Variants in MSRA observed in about 807,000 individuals in gnomAD.
MSRA encodes mitochondrial peptide methionine sulfoxide reductase.
Under a neutral mutation model 31.3 loss-of-function variants are expected in MSRA, and 54 were observed. That is an observed-to-expected ratio of 1.73 (90% CI 1.39 to 2.17). The LOEUF (loss-of-function observed/expected upper bound fraction) is 2.17. Among genes scored for constraint, MSRA ranks in the 30% most tolerant of loss-of-function variants. The pLI, the probability that MSRA is intolerant of heterozygous loss-of-function variation, is 0.00. For missense variants in MSRA, 507 were observed against 300.9 expected (o/e 1.69, Z -5.07); for synonymous variants, 169 against 116.5 (o/e 1.45, Z -2.90).
chr8:10,124,210 TGATA>T (rs1438277834), intron 1 of MSRA, among the ~76,000 whole-genome samples: 2 of 152,106 alleles, frequency 1.3e-5, no homozygotes, highest in Non-Finnish European at 2.9e-5. Context: ...CCAAGATTTG[TGATA>T]GATAAGTGGA....
At chr8:10,196,672 C>T (rs750196459) in intron 1 of MSRA, among the ~76,000 whole-genome samples, 2 of 152,146 alleles carry the variant, frequency 1.3e-5, no homozygotes, top group Non-Finnish European at 2.9e-5. Context: ...GCCTCACCCT[C>T]CCGAGTAGCT....
At chr8:10,133,582 G>A (rs1342583799) in intron 1 of MSRA, among the ~76,000 whole-genome samples, 4 of 152,200 alleles carry the variant, frequency 2.6e-5, no homozygotes, top group Admixed American at 1.3e-4. Flanking sequence ...CCCTTCCAGT[G>A]TGAACCTGTC....
intron 3 of MSRA, among the ~76,000 whole-genome samples, chr8:10,299,925 C>T (rs1325701687): frequency 2.0e-5 from 3 of 152,202 alleles, no homozygotes; most frequent in Non-Finnish European, 4.4e-5. Context: ...AAAATATTTA[C>T]ATTTATGGAT....
At chr8:10,157,776 CTCT>C (rs1563163065) in intron 1 of MSRA, among the ~76,000 whole-genome samples, 1 of 152,016 alleles carries the variant, frequency 6.6e-6, no homozygotes, top group Admixed American at 6.6e-5. Flanking sequence ...TCTGCCCGCC[CTCT>C]TCTTCTTTCT....
At position 10,153,903 on chromosome 8, in the gene MSRA, A is replaced by C. The variant is rs145779369; in HGVS notation, c.143-53930A>C. ...CCTCTCTCTCTGATATCACTAAATAAAAATTATCCAAATGTTTAACATTAT... is the reference window on the plus strand; with the variant it reads ...CCTCTCTCTCTGATATCACTAAATACAAATTATCCAAATGTTTAACATTAT... On this transcript the variant is annotated intron_variant, in intron 1 of 5. Transcript: ENST00000317173. 1.5e-4 allele frequency among the ~76,000 whole-genome samples: 23 copies of C among 152,316 alleles called. No individual in the cohort carries two copies. In the East Asian group the frequency reaches 2.9e-3, roughly 19 times the overall value.
At chr8:10,170,050 T>TC (rs1554474797) in intron 1 of MSRA, among the ~76,000 whole-genome samples, 1 of 147,466 alleles carries the variant, frequency 6.8e-6, no homozygotes, top group Non-Finnish European at 1.5e-5. Flanking sequence ...ATATTTTTTT[T>TC]TTTTTTTTTT....
chr8:10,240,175 T>C (rs952722660), intron 2 of MSRA, among the ~76,000 whole-genome samples: 1 of 152,174 alleles, frequency 6.6e-6, no homozygotes, highest in Non-Finnish European at 1.5e-5. Flanking sequence ...CACTGGCCCT[T>C]TCAGCATGGA....
intron 4 of MSRA, among the ~76,000 whole-genome samples, chr8:10,318,397 C>G (rs1801848257): frequency 6.6e-6 from 1 of 152,162 alleles, no homozygotes; most frequent in Non-Finnish European, 1.5e-5. Flanking sequence ...CTCCCTCGTC[C>G]TGGTTATTCC....
At chr8:10,317,244 A>G (rs1462489751) in intron 4 of MSRA, among the ~76,000 whole-genome samples, 4 of 152,172 alleles carry the variant, frequency 2.6e-5, no homozygotes, top group African/African-American at 9.7e-5. Flanking sequence ...TAAAGTGATC[A>G]CCTAGCAACA....
intron 1 of MSRA, among the ~76,000 whole-genome samples, chr8:10,094,569 T>C (rs908282593): frequency 6.6e-6 from 1 of 152,226 alleles, no homozygotes; most frequent in African/African-American, 2.4e-5. Context: ...ATTTGAGACC[T>C]TGAGTTATCT....
intron 2 of MSRA, among the ~76,000 whole-genome samples, chr8:10,241,005 G>T (rs983774231): frequency 1.3e-5 from 2 of 152,104 alleles, no homozygotes; most frequent in Non-Finnish European, 2.9e-5. Flanking sequence ...GGTCCTGCTT[G>T]TGCATGATTC....
intron 1 of MSRA, among the ~76,000 whole-genome samples, chr8:10,188,014 A>T (rs1320889819): frequency 1.3e-5 from 2 of 152,214 alleles, no homozygotes; most frequent in African/African-American, 2.4e-5. Flanking sequence ...CCTTTTAAAC[A>T]ATTAGGGAAT....
chr8:10,115,188 C>A (rs1049582253), intron 1 of MSRA, among the ~76,000 whole-genome samples: 3 of 152,220 alleles, frequency 2.0e-5, no homozygotes, highest in African/African-American at 7.2e-5. Context: ...AGTTATATCC[C>A]TGTCTCACAT....
intron 2 of MSRA, among the ~76,000 whole-genome samples, chr8:10,210,061 A>G (rs774114468): frequency 6.6e-6 from 1 of 152,096 alleles, no homozygotes; most frequent in Non-Finnish European, 1.5e-5. Flanking sequence ...GGGCTAGGGT[A>G]GAGTAGGGGA....
At chr8:10,176,210 C>G (rs1347495960) in intron 1 of MSRA, among the ~76,000 whole-genome samples, 1 of 152,130 alleles carries the variant, frequency 6.6e-6, no homozygotes, top group Non-Finnish European at 1.5e-5. Flanking sequence ...TTTTAAAATT[C>G]AGGATGAGAA....
chr8:10,064,906 C>G (rs968470218), intron 1 of MSRA, among the ~76,000 whole-genome samples: 2 of 152,070 alleles, frequency 1.3e-5, no homozygotes, highest in African/African-American at 4.8e-5. Flanking sequence ...TCATAGCTTT[C>G]CACGTGGGGA....
chr8:10,387,835 T>A (rs1027271309), intron 5 of MSRA, among the ~76,000 whole-genome samples: 3 of 152,192 alleles, frequency 2.0e-5, no homozygotes, highest in Admixed American at 6.5e-5. Flanking sequence ...AAGAAGTTTG[T>A]TTCTTCTTCA....
At chr8:10,135,105 C>T (rs1238151107) in intron 1 of MSRA, among the ~76,000 whole-genome samples, 21 of 152,246 alleles carry the variant, frequency 1.4e-4, no homozygotes. Context: ...GAGGCACTGT[C>T]ATTTTAGAAC....
At chr8:10,109,428 A>G (rs765531937) in intron 1 of MSRA, among the ~76,000 whole-genome samples, 4 of 151,328 alleles carry the variant, frequency 2.6e-5, no homozygotes, top group Middle Eastern at 3.4e-3. Context: ...TGCAACCTCC[A>G]TCTCCCGGGC....
Sources: allele counts gnomAD v4.1 joint callset (sites outside exome capture counted in the v4.1 genomes callset), GRCh38; gene constraint gnomAD v4.1.1; transcripts MANE v1.5; gene names NCBI Gene and HGNC (gene_info 2026-07-23, HGNC 2026-07-21).